The following FHOD3 variants were observed in gnomAD, a reference collection of about 807,000 sequenced individuals.
FHOD3 encodes the protein FH1/FH2 domain-containing protein 3.
A neutral mutation model predicts 173.0 loss-of-function variants in FHOD3; 90 were observed. That is an observed-to-expected ratio of 0.52 (90% CI 0.44 to 0.62). FHOD3 has a LOEUF of 0.62. Ranked by LOEUF, FHOD3 falls within the 20% of genes least tolerant of loss-of-function variation. The pLI, the probability that FHOD3 is intolerant of heterozygous loss-of-function variation, is 0.00. For synonymous variants in FHOD3, 828 were observed against 823.0 expected, an observed-to-expected ratio of 1.01 and a Z score of -0.10; for missense variants, 1,945 against 2,034.7, an observed-to-expected ratio of 0.96 and a Z score of 0.85.
intron 13 of FHOD3, among the ~76,000 whole-genome samples, chr18:36,656,044 C>G (rs1438641063): frequency 6.6e-6 from 1 of 152,206 alleles, no homozygotes; most frequent in African/African-American, 2.4e-5. Context: ...ATCCAGGCAG[C>G]TGCTGACACA....
chr18:36,694,112 A>C (rs1230167519), intron 17 of FHOD3, among the ~76,000 whole-genome samples: 1 of 152,176 alleles, frequency 6.6e-6, no homozygotes, highest in East Asian at 1.9e-4. Context: ...CTTTCACATT[A>C]ACACAGGGAT....
rs1253178381 is a variant in FHOD3 at position 36,562,912 on chromosome 18, C to CT, written c.512-13536dup. ...CGTGAGGAGGGGCAGTGGTTTAAGG[C>CT]TTTGCTGTGATGATTCTCCTCTGTG... On this transcript the variant is annotated intron_variant, in intron 5 of 28. Coordinates refer to ENST00000590592, the MANE Select transcript of FHOD3 (RefSeq NM_001281740.3). 5.3e-5 allele frequency among the ~76,000 whole-genome samples: 8 copies of CT among 152,236 alleles called. No individual in the cohort carries two copies. In the East Asian group the frequency reaches 1.5e-3, roughly 29 times the overall value.
intron 28 of FHOD3, among the ~76,000 whole-genome samples, chr18:36,771,451 G>A (rs1398747720): frequency 3.9e-5 from 6 of 152,204 alleles, no homozygotes; most frequent in African/African-American, 1.2e-4. Context: ...TGAGGAGGCT[G>A]AGCCTATTGC....
intron 5 of FHOD3, among the ~76,000 whole-genome samples, chr18:36,572,441 G>A (rs1189931975): frequency 6.6e-6 from 1 of 152,150 alleles, no homozygotes; most frequent in African/African-American, 2.4e-5. Flanking sequence ...GCGCCATCTC[G>A]TGTCTGGAGC....
intron 3 of FHOD3, among the ~76,000 whole-genome samples, chr18:36,437,453 A>G (rs1026361545): frequency 1.3e-5 from 2 of 152,164 alleles, no homozygotes; most frequent in Admixed American, 6.5e-5. Flanking sequence ...TGCAAGTTAT[A>G]TATTTTCAGA....
chr18:36,304,414 A>G (rs1026963730), intron 1 of FHOD3, among the ~76,000 whole-genome samples: 2 of 152,224 alleles, frequency 1.3e-5, no homozygotes, highest in Admixed American at 6.5e-5. Context: ...ATACTTGTGC[A>G]TATACTGAAA....
In FHOD3 at chr18:36,564,656, G is replaced by C. The variant is rs540962032; in HGVS notation, c.512-11795G>C. On this transcript the variant is annotated intron_variant, in intron 5 of 28. Coordinates refer to ENST00000590592, the MANE Select transcript of FHOD3 (RefSeq NM_001281740.3). The stretch of plus-strand genomic sequence containing the variant: ...AGCTTAGCTACATAATGTCCTGCTG[G>C]GAAGAAAGGTCTATCAGAAAGAAGC... 3.3e-5 allele frequency among the ~76,000 whole-genome samples: 5 copies of C among 152,272 alleles called. No individual in the cohort carries two copies. The South Asian group carries it at 1.0e-3, about 32-fold the overall frequency.
intron 3 of FHOD3, among the ~76,000 whole-genome samples, chr18:36,393,196 A>G (rs904951823): frequency 6.6e-6 from 1 of 152,218 alleles, no homozygotes; most frequent in Non-Finnish European, 1.5e-5. Flanking sequence ...TTAATTTTAG[A>G]GTTAAACAAA....
intron 1 of FHOD3, among the ~76,000 whole-genome samples, chr18:36,341,629 G>T (rs1025605059): frequency 6.6e-6 from 1 of 152,192 alleles, no homozygotes; most frequent in Non-Finnish European, 1.5e-5. Flanking sequence ...GACTGATTCT[G>T]TTCAACATTC....
Position 36,576,609 on chromosome 18 carries a change from C to T in FHOD3, c.606+64C>T, listed in dbSNP as rs900682647. On this transcript the variant is annotated intron_variant, in intron 6 of 28. Coordinates refer to ENST00000590592, the MANE Select transcript of FHOD3 (RefSeq NM_001281740.3). The stretch of plus-strand genomic sequence containing the variant: ...CATATCACTTGCCTTTCTTTTTTCT[C>T]TGAGTCAGTTTTGCAGAAAGAAATT... 1.7e-5 allele frequency: 23 copies of T among 1,334,184 alleles called. No homozygotes were observed. The African/African-American group carries it at 3.4e-4, about 20-fold the overall frequency. The allele number at this position is 1,334,184 out of a possible 1,614,324, so 82.6% of individuals were successfully genotyped here.
intron 2 of FHOD3, among the ~76,000 whole-genome samples, chr18:36,366,436 T>C (rs1411420862): frequency 6.6e-6 from 1 of 152,216 alleles, no homozygotes; most frequent in Non-Finnish European, 1.5e-5. Context: ...ATGCCAGCCA[T>C]GTCCACAGCA....
chr18:36,635,894 A>G lies in FHOD3; in HGVS notation c.1196+10145A>G, dbSNP rs1021709338. Among the ~76,000 whole-genome samples the G allele has an allele frequency of 5.3e-5, 8 of 152,338 alleles. No homozygotes were observed. The South Asian group carries it at 1.5e-3, about 28-fold the overall frequency. On this transcript the variant is annotated intron_variant, in intron 10 of 28. Transcript: ENST00000590592. ...CTCATGAAATGAAGAAACTGAGAAC[A>G]TCACCCACATTTCAAGTCAATGAAC...
chr18:36,556,733 C>T (rs751841979), intron 5 of FHOD3, among the ~76,000 whole-genome samples: 19 of 152,104 alleles, frequency 1.2e-4, no homozygotes, highest in East Asian at 3.9e-4. Context: ...GGGGAAAAAA[C>T]GTGTATTTAC....
intron 5 of FHOD3, among the ~76,000 whole-genome samples, chr18:36,533,345 A>C (rs561729070): frequency 1.3e-5 from 2 of 152,364 alleles, no homozygotes; most frequent in South Asian, 4.1e-4. Flanking sequence ...CTACTAACAC[A>C]GCTAGAAGGG....
intron 16 of FHOD3, among the ~76,000 whole-genome samples, chr18:36,689,026 C>G (rs893974894): frequency 4.6e-5 from 7 of 152,168 alleles, no homozygotes; most frequent in Non-Finnish European, 7.4e-5. Context: ...TCCCTTGAAG[C>G]CACCTCTCTG....
At chr18:36,375,741 A>G (rs1460170348) in intron 3 of FHOD3, among the ~76,000 whole-genome samples, 1 of 152,252 alleles carries the variant, frequency 6.6e-6, no homozygotes, top group African/African-American at 2.4e-5. Context: ...GGTTACAGCT[A>G]GCAGCTGAAG....
chr18:36,682,967 A>G (rs1311279361), intron 15 of FHOD3, among the ~76,000 whole-genome samples: 2 of 152,240 alleles, frequency 1.3e-5, no homozygotes, highest in Non-Finnish European at 2.9e-5. Context: ...TTGCTTAACT[A>G]TAAGTCACTA....
At chr18:36,727,785 G>C (rs989190918) in intron 19 of FHOD3, among the ~76,000 whole-genome samples, 7 of 152,216 alleles carry the variant, frequency 4.6e-5, no homozygotes, top group Admixed American at 4.6e-4. Flanking sequence ...CAGAGATGAG[G>C]CTGGAATCTG....
At chr18:36,763,293 TATTATACACGTTATATACAATATGC>T (rs2042984202) in intron 27 of FHOD3, among the ~76,000 whole-genome samples, 3 of 141,126 alleles carry the variant, frequency 2.1e-5, no homozygotes, top group East Asian at 4.3e-4. Flanking sequence ...ACAATATGCG[TATTATACACGTTATATACAATATGC>T]GTATTATACA....
Sources: gnomAD v4.1 joint callset for allele counts (sites outside exome capture counted in the v4.1 genomes callset) on GRCh38, gnomAD v4.1.1 for gene constraint, MANE v1.5 for transcripts, NCBI Gene and HGNC (gene_info 2026-07-23, HGNC 2026-07-21) for gene names.